ANTXR1: variants seen among roughly 807,000 people sequenced by gnomAD.
The protein encoded by ANTXR1 is anthrax toxin receptor 1.
Under a neutral mutation model 78.1 loss-of-function variants are expected in ANTXR1, and 19 were observed. The ratio of observed to expected loss-of-function variants is 0.24; its 90% CI spans 0.17 to 0.36. ANTXR1 has a LOEUF of 0.36. Ranked by LOEUF, ANTXR1 falls within the 10% of genes least tolerant of loss-of-function variation. The pLI, the probability that ANTXR1 is intolerant of heterozygous loss-of-function variation, is 1.00. For missense variants in ANTXR1, 518 were observed against 718.6 expected, an observed-to-expected ratio of 0.72 and a Z score of 3.19; for synonymous variants, 273 against 260.5, an observed-to-expected ratio of 1.05 and a Z score of -0.46.
chr2:69,066,398 C>T (rs770706851), intron 3 of ANTXR1, among the ~76,000 whole-genome samples: 4 of 152,004 alleles, frequency 2.6e-5, no homozygotes, highest in Non-Finnish European at 4.4e-5. Flanking sequence ...TGGGTTTAAG[C>T]GATTCTCCTG....
chr2:69,024,969 T>C (rs1009968735), intron 1 of ANTXR1, among the ~76,000 whole-genome samples: 2 of 152,342 alleles, frequency 1.3e-5, no homozygotes, highest in East Asian at 1.9e-4. Flanking sequence ...GTGTAAACTC[T>C]TCAGCAAAGT....
At position 69,245,510 on chromosome 2, in the gene ANTXR1, C is replaced by G. The variant is rs951824468; in HGVS notation, c.*25C>G. The G allele has an allele frequency of 6.2e-7, 1 of 1,612,966 alleles. No homozygotes were observed. Among genetic ancestry groups the G allele is most frequent in the Non-Finnish European group, 8.5e-7 (1 of 1,179,852 alleles). On this transcript the variant is annotated 3_prime_UTR_variant, in exon 18 of 18. Transcript: ENST00000303714. ...GAGCCCAAAGTTCCTGCTCTGGGCT[C>G]TCTCAGAAACTTCAGGAGATGTTAG... is the stretch of plus-strand genomic sequence containing the variant.
chr2:69,015,085 A>G lies in ANTXR1; in HGVS notation c.152+1434A>G, dbSNP rs1274484354. ...TCAGGAAAATCTAAAAAAAAAAAAAAAGGGGGACAGAATCACCATGTCTCT... is the reference window on the plus strand; with the variant it reads ...TCAGGAAAATCTAAAAAAAAAAAAAGAGGGGGACAGAATCACCATGTCTCT... On this transcript the variant is annotated intron_variant, in intron 1 of 17. Coordinates refer to ENST00000303714, the MANE Select transcript of ANTXR1 (RefSeq NM_032208.3). 7.8e-4 allele frequency among the ~76,000 whole-genome samples: 115 copies of G among 148,300 alleles called. 1 individual carries two copies. The highest frequency in any genetic ancestry group is 2.7e-3 in the African/African-American group (103 of 38,116).
chr2:69,042,129 A>T (rs376172706), intron 2 of ANTXR1, among the ~76,000 whole-genome samples: 3 of 152,238 alleles, frequency 2.0e-5, no homozygotes, highest in East Asian at 3.8e-4. Context: ...ATTCAATAAC[A>T]GTGGCTGATG....
rs138963459 is a variant in ANTXR1, at chr2:69,182,531, T to G, written c.1224T>G (p.Ala408=). The part of the protein sequence containing the change: ...WGEKGSTEEG[A]KLEKAKNARV... Reference sequence around the variant, plus strand: ...AAAAGGGCTCCACAGAAGAAGGTGCTAAGTTGGAAAAGGCAAAGAATGCAA... The same window carrying G: ...AAAAGGGCTCCACAGAAGAAGGTGCGAAGTTGGAAAAGGCAAAGAATGCAA... Residue 408 remains alanine (A), a synonymous_variant, in exon 16 of 18, where the codon GCT becomes GCG. Coordinates refer to ENST00000303714, the MANE Select transcript of ANTXR1 (RefSeq NM_032208.3). 550 of 1,614,216 alleles carry G rather than the reference T, an allele frequency of 3.4e-4. 4 individuals carry two copies. In the East Asian group the frequency reaches 0.01, roughly 31 times the overall value.
In ANTXR1 at chr2:69,146,222, T is replaced by TC. The variant is rs374698113; in HGVS notation, c.952-5942dup. 7.0e-4 allele frequency: 694 copies of TC among 985,310 alleles called. 7 individuals are homozygous for TC. In the African/African-American group the frequency reaches 0.011, roughly 16 times the overall value. The allele number at this position is 985,310 out of a possible 1,614,324, so 61.0% of individuals were successfully genotyped here. A position where few individuals can be genotyped will look rare whatever the true frequency, so the allele number is the denominator to read the frequency against. ...ACTATTCATTGAAGAAAATGGATGA[T>TC]CCCCCAACAGGAAGATGCAACCCCA... is the stretch of plus-strand genomic sequence containing the variant. On this transcript the variant is annotated intron_variant, in intron 12 of 17. Coordinates refer to ENST00000303714, the MANE Select transcript of ANTXR1 (RefSeq NM_032208.3).
chr2:69,062,791 C>CT (rs1670285282), intron 3 of ANTXR1, among the ~76,000 whole-genome samples: 6 of 152,050 alleles, frequency 3.9e-5, no homozygotes, highest in Admixed American at 3.9e-4. Flanking sequence ...TGGACAGGGA[C>CT]TTTTAAGCAA....
intron 3 of ANTXR1, among the ~76,000 whole-genome samples, chr2:69,056,792 G>A (rs1052619781): frequency 1.8e-4 from 28 of 152,124 alleles, no homozygotes; most frequent in Admixed American, 3.3e-4. Context: ...TCATGCCTCA[G>A]CCTCCTGAGT....
chr2:69,024,647 C>G (rs757384741), intron 1 of ANTXR1, among the ~76,000 whole-genome samples: 41 of 152,080 alleles, frequency 2.7e-4, no homozygotes, highest in Non-Finnish European at 5.4e-4. Context: ...TGAATGGTGG[C>G]CCTATAAGTC....
At position 69,246,144 on chromosome 2, in the gene ANTXR1, A is replaced by G. The variant is rs980096935; in HGVS notation, c.*659A>G. 2 of 152,510 alleles carry G rather than the reference A, an allele frequency of 1.3e-5. No homozygotes were observed. Among genetic ancestry groups the G allele is most frequent in the Non-Finnish European group, 1.5e-5 (1 of 68,276 alleles). 9.4% of individuals were successfully genotyped at this position (152,510 alleles called of 1,614,324 possible). A position where few individuals can be genotyped will look rare whatever the true frequency, so the allele number is the denominator to read the frequency against. ...GGGGAGCAGGTGTTTACTGATGGAA[A>G]AGGTATGTTGCTATGTTGATGTGTA... On this transcript the variant is annotated 3_prime_UTR_variant, in exon 18 of 18. Transcript: ENST00000303714.
At chr2:69,122,470 TTCAC>T (rs1558571748) in intron 10 of ANTXR1, among the ~76,000 whole-genome samples, 2 of 152,144 alleles carry the variant, frequency 1.3e-5, no homozygotes, top group African/African-American at 2.4e-5. Context: ...TATCTAGGAG[TTCAC>T]TCACTATTTT....
At chr2:69,022,018 G>A (rs987824136) in intron 1 of ANTXR1, among the ~76,000 whole-genome samples, 1 of 152,158 alleles carries the variant, frequency 6.6e-6, no homozygotes, top group Non-Finnish European at 1.5e-5. Context: ...TAGATTAAAT[G>A]GAAAGTAGAA....
intron 13 of ANTXR1, among the ~76,000 whole-genome samples, chr2:69,159,347 G>T (rs1325609825): frequency 6.6e-6 from 1 of 152,148 alleles, no homozygotes; most frequent in Non-Finnish European, 1.5e-5. Context: ...GCCGAGGCAG[G>T]AGGATCACTT....
chr2:69,233,389 CA>C (rs1414256478), intron 17 of ANTXR1, among the ~76,000 whole-genome samples: 2 of 151,392 alleles, frequency 1.3e-5, no homozygotes, highest in African/African-American at 4.8e-5. Context: ...CAGAACTTTT[CA>C]AAAGTTTGTT....
At chr2:69,097,413 A>T (rs967228898) in intron 9 of ANTXR1, among the ~76,000 whole-genome samples, 1 of 152,202 alleles carries the variant, frequency 6.6e-6, no homozygotes, top group South Asian at 2.1e-4. Flanking sequence ...GCACAAAAGG[A>T]AGGTCATTTA....
intron 9 of ANTXR1, among the ~76,000 whole-genome samples, chr2:69,096,559 G>A (rs149201446): frequency 6.6e-6 from 1 of 152,078 alleles, no homozygotes; most frequent in African/African-American, 2.4e-5. Flanking sequence ...AACATATATA[G>A]GGAGAGAGAA....
At chr2:69,162,697 G>A (rs1303968255) in intron 13 of ANTXR1, among the ~76,000 whole-genome samples, 2 of 152,178 alleles carry the variant, frequency 1.3e-5, no homozygotes, top group Admixed American at 6.5e-5. Context: ...GTCAGTCCCT[G>A]TCAGCACTAT....
chr2:69,056,036 A>G (rs1017953277), intron 3 of ANTXR1, among the ~76,000 whole-genome samples: 3 of 152,196 alleles, frequency 2.0e-5, no homozygotes, highest in African/African-American at 7.2e-5. Context: ...CTAGCACATC[A>G]CAGATACCAC....
intron 16 of ANTXR1, 57 bp downstream of exon 16, chr2:69,182,717 G>A: frequency 6.2e-7 from 1 of 1,608,640 alleles, no homozygotes; most frequent in Non-Finnish European, 8.5e-7. Flanking sequence ...CTTACATAGT[G>A]AAGAATCAAA....
Sources: allele counts gnomAD v4.1 joint callset (sites outside exome capture counted in the v4.1 genomes callset), GRCh38; gene constraint gnomAD v4.1.1; transcripts MANE v1.5; gene names NCBI Gene and HGNC (gene_info 2026-07-23, HGNC 2026-07-21).